The following STOX1 variants were observed in gnomAD, a reference collection of about 807,000 sequenced individuals.
The protein encoded by STOX1 is storkhead-box protein 1.
Under a neutral mutation model 74.8 loss-of-function variants are expected in STOX1, and 57 were observed. The ratio of observed to expected loss-of-function variants is 0.76; its 90% CI spans 0.62 to 0.95. The LOEUF is 0.95. STOX1 is among the 40% of genes least tolerant of loss of function. The pLI, the probability that STOX1 is intolerant of heterozygous loss-of-function variation, is 0.00. For missense variants in STOX1, 1,010 were observed against 1,117.0 expected (o/e 0.90, Z 1.37); for synonymous variants, 375 against 401.3 (o/e 0.93, Z 0.78).
At chr10:68,871,034 CT>C (rs779888790) in intron 1 of STOX1, among the ~76,000 whole-genome samples, 8 of 152,276 alleles carry the variant, frequency 5.3e-5, no homozygotes, top group Non-Finnish European at 1.0e-4. Flanking sequence ...ACTAACACGA[CT>C]GAATAAAGTC....
At chr10:68,872,371 G>A (rs1425494278) in intron 1 of STOX1, among the ~76,000 whole-genome samples, 1 of 113,228 alleles carries the variant, frequency 8.8e-6, no homozygotes, top group African/African-American at 3.6e-5. Context: ...TTGAGACAGA[G>A]TTTCGCTTTT....
At position 68,877,030 on chromosome 10, in the gene STOX1, A is replaced by G. The variant is rs555884901; in HGVS notation, c.311-4928A>G. 3.9e-5 allele frequency among the ~76,000 whole-genome samples: 6 copies of G among 152,298 alleles called. No homozygotes were observed. The East Asian group carries it at 1.2e-3, about 29-fold the overall frequency. ...GTCAGGGTGCACTCAGCTTTCCTGC[A>G]CAAAGGAAACTCGATGATTTGTGCA... is the stretch of plus-strand genomic sequence containing the variant. On this transcript the variant is annotated intron_variant, in intron 1 of 3. Coordinates refer to ENST00000298596, the MANE Select transcript of STOX1 (RefSeq NM_152709.5).
At chr10:68,882,891 T>C (rs1332674290) in intron 2 of STOX1, among the ~76,000 whole-genome samples, 1 of 152,200 alleles carries the variant, frequency 6.6e-6, no homozygotes, top group South Asian at 2.1e-4. Context: ...TATATTGATA[T>C]GTCTCATTCT....
chr10:68,833,093 T>G (rs1281777688), intron 1 of STOX1, among the ~76,000 whole-genome samples: 3 of 146,150 alleles, frequency 2.1e-5, no homozygotes, highest in African/African-American at 7.7e-5. Flanking sequence ...TTTTTTTTTT[T>G]TTTTTTTTTT....
At chr10:68,891,318 T>G (rs907951913) in intron 3 of STOX1, among the ~76,000 whole-genome samples, 5 of 152,074 alleles carry the variant, frequency 3.3e-5, no homozygotes, top group African/African-American at 1.2e-4. Flanking sequence ...TACAATTTAG[T>G]TGGGGAGACA....
chr10:68,856,253 A>C (rs754258710), intron 1 of STOX1, among the ~76,000 whole-genome samples: 3 of 152,104 alleles, frequency 2.0e-5, no homozygotes, highest in African/African-American at 7.3e-5. Context: ...AGTTTTGCTC[A>C]AACCCTAACA....
intron 1 of STOX1, among the ~76,000 whole-genome samples, chr10:68,847,241 A>G (rs1316552283): frequency 1.3e-5 from 2 of 152,214 alleles, no homozygotes; most frequent in Non-Finnish European, 2.9e-5. Context: ...GAGAATTAGA[A>G]CATCTGTATC....
intron 1 of STOX1, among the ~76,000 whole-genome samples, chr10:68,850,616 A>G (rs1176209217): frequency 6.6e-6 from 1 of 152,236 alleles, no homozygotes; most frequent in Non-Finnish European, 1.5e-5. Context: ...AATATTTCCC[A>G]AAGTGTGGCA....
At chr10:68,891,847 T>C (rs1057219155) in intron 3 of STOX1, among the ~76,000 whole-genome samples, 2 of 150,826 alleles carry the variant, frequency 1.3e-5, no homozygotes, top group African/African-American at 4.9e-5. Flanking sequence ...TGTGACAGAG[T>C]CTCACTCTGT....
intron 1 of STOX1, among the ~76,000 whole-genome samples, chr10:68,873,256 C>CTTTT (rs1840579061): frequency 7.8e-5 from 7 of 89,396 alleles, no homozygotes; most frequent in Non-Finnish European, 1.0e-4. Context: ...CAAACAAGAG[C>CTTTT]ATTTTTTTTT....
chr10:68,880,506 C>T (rs1349393970), intron 1 of STOX1, among the ~76,000 whole-genome samples: 1 of 152,110 alleles, frequency 6.6e-6, no homozygotes, highest in Admixed American at 6.6e-5. Context: ...TGGCACCTTC[C>T]AATCAATAAA....
chr10:68,844,294 CTTTTTTTTTT>C (rs777175392), intron 1 of STOX1, among the ~76,000 whole-genome samples: 1 of 104,714 alleles, frequency 9.5e-6, no homozygotes, highest in African/African-American at 3.7e-5. Context: ...TCTGGATCTT[CTTTTTTTTTT>C]TTTTTTTTTT....
At position 68,885,031 on chromosome 10, in the gene STOX1, T is replaced by A; in HGVS notation, c.1235T>A (p.Val412Asp). Residue 412 changes from valine (V) to aspartate (D), a missense_variant, in exon 3 of 4, where the codon GTT becomes GAT. Coordinates refer to ENST00000298596, the MANE Select transcript of STOX1 (RefSeq NM_152709.5). ...IGHKYPSKEG[V>D]KKRQGLSAKP... ...CATAAGTATCCTTCAAAAGAGGGGG[T>A]TAAGAAAAGGCAGGGTCTGTCTGCA... 1.9e-6 allele frequency: 3 copies of A among 1,613,362 alleles called. No homozygotes were observed. The highest frequency in any genetic ancestry group is 2.5e-6 in the Non-Finnish European group (3 of 1,179,850).
chr10:68,829,503 G>A (rs1839351308), intron 1 of STOX1, among the ~76,000 whole-genome samples: 1 of 152,092 alleles, frequency 6.6e-6, no homozygotes, highest in Admixed American at 6.6e-5. Flanking sequence ...GGTGACAAGA[G>A]CGAAACTCCG....
chr10:68,831,016 G>A lies in STOX1; in HGVS notation c.310+3083G>A, dbSNP rs757621619. ...CCAAAAGGAATTGAAAGTTTGTGTC[G>A]GCTTGCTCTCTTGCCTCTTGCAGCA... On this transcript the variant is annotated intron_variant, in intron 1 of 3. Coordinates refer to ENST00000298596, the MANE Select transcript of STOX1 (RefSeq NM_152709.5). Among the ~76,000 whole-genome samples the A allele has an allele frequency of 3.3e-5, 5 of 152,202 alleles. No individual in the cohort carries two copies. The East Asian group carries it at 5.8e-4, about 18-fold the overall frequency.
intron 1 of STOX1, among the ~76,000 whole-genome samples, chr10:68,876,085 T>G (rs1589233278): frequency 6.7e-6 from 1 of 148,912 alleles, no homozygotes; most frequent in Non-Finnish European, 1.5e-5. Context: ...TTTGTGGCGG[T>G]GAGGAGTGGG....
intron 1 of STOX1, among the ~76,000 whole-genome samples, chr10:68,880,747 C>T (rs1840797367): frequency 6.6e-6 from 1 of 152,086 alleles, no homozygotes; most frequent in African/African-American, 2.4e-5. Flanking sequence ...GGCTGGAGTG[C>T]AGTGGCGCCA....
At chr10:68,882,897 AT>A (rs1395500443) in intron 2 of STOX1, among the ~76,000 whole-genome samples, 1 of 152,132 alleles carries the variant, frequency 6.6e-6, no homozygotes, top group Non-Finnish European at 1.5e-5. Flanking sequence ...GATATGTCTC[AT>A]TCTTTATTTT....
In STOX1 at chr10:68,881,693, T is replaced by C. The variant is rs561912951; in HGVS notation, c.311-265T>C. On this transcript the variant is annotated intron_variant, in intron 1 of 3. Coordinates refer to ENST00000298596, the MANE Select transcript of STOX1 (RefSeq NM_152709.5). ...GACCTCCTGAACTCTGATAATACTT[T>C]GAGCCTTTCTAATGGAATCTTGCCA... 3.9e-5 allele frequency among the ~76,000 whole-genome samples: 6 copies of C among 152,336 alleles called. No individual in the cohort carries two copies. In the East Asian group the frequency reaches 9.6e-4, roughly 24 times the overall value.
Sources: gnomAD v4.1 joint callset for allele counts (sites outside exome capture counted in the v4.1 genomes callset) on GRCh38, gnomAD v4.1.1 for gene constraint, MANE v1.5 for transcripts, NCBI Gene and HGNC (gene_info 2026-07-23, HGNC 2026-07-21) for gene names.